Variants in CDK11A observed in about 807,000 individuals in gnomAD.
CDK11A encodes the protein cyclin dependent kinase 11A.
A neutral mutation model predicts 83.6 loss-of-function variants in CDK11A; 55 were observed. The ratio of observed to expected loss-of-function variants is 0.66; its 90% confidence interval spans 0.53 to 0.82. The LOEUF (loss-of-function observed/expected upper bound fraction) is 0.82. CDK11A is among the 40% of genes least tolerant of loss of function. The pLI, the probability that CDK11A is intolerant of heterozygous loss-of-function variation, is 0.00. For missense variants in CDK11A, 564 were observed against 810.1 expected (o/e 0.70, Z 3.69); for synonymous variants, 247 against 302.7 (o/e 0.82, Z 1.91).
At chr1:1,715,820 T>C (rs1644614988) in intron 5 of CDK11A, among the ~76,000 whole-genome samples, 1 of 151,034 alleles carries the variant, frequency 6.6e-6, no homozygotes, top group African/African-American at 2.4e-5. Flanking sequence ...ACACCGATGT[T>C]CTTTCTTGGG....
rs183746110 is a variant in CDK11A at position 1,716,343 on chromosome 1, C to G, written c.488+3G>C. On this transcript the variant is annotated splice_donor_region_variant and intron_variant, in intron 5 of 19. Coordinates refer to ENST00000404249, the MANE Select transcript of CDK11A (RefSeq NM_024011.4). ...AAGTCCTCAACTGACCCAGCCCACT[C>G]ACCTTTCTCTCCTGGAATGCTCCCT... The G allele has an allele frequency of 6.2e-7, 1 of 1,608,736 alleles. No homozygotes were observed. Among genetic ancestry groups the G allele is most frequent in the African/African-American group, 1.3e-5 (1 of 74,612 alleles).
intron 3 of CDK11A, 114 bp downstream of exon 3, chr1:1,721,482 A>G: frequency 8.1e-7 from 1 of 1,239,118 alleles, no homozygotes; most frequent in Non-Finnish European, 1.1e-6. Flanking sequence ...AACTCTAGGA[A>G]AGAGTAAACC....
intron 4 of CDK11A, among the ~76,000 whole-genome samples, chr1:1,717,178 T>C (rs535922831): frequency 1.3e-5 from 2 of 151,292 alleles, no homozygotes; most frequent in Non-Finnish European, 3.0e-5. Context: ...AAGAGAATTG[T>C]AATATTCATC....
rs1457189263 is a variant in CDK11A at position 1,724,248 on chromosome 1, C to A, written c.-14+10G>T. The A allele has an allele frequency of 2.0e-5, 3 of 151,576 alleles. No individual in the cohort carries two copies. The highest frequency in any genetic ancestry group is 7.3e-5 in the African/African-American group (3 of 41,292). The allele number at this position is 151,576 out of a possible 1,614,324, so 9.4% of individuals were successfully genotyped here. A position where few individuals can be genotyped will look rare whatever the true frequency, so the allele number is the denominator to read the frequency against. The stretch of plus-strand genomic sequence containing the variant: ...CGCTCCCACACCTGGTCCGCCCAGT[C>A]GGAACTCACCCCTACGGGGCCGCGG... On this transcript the variant is annotated intron_variant, in intron 1 of 19. Coordinates refer to ENST00000404249, the MANE Select transcript of CDK11A (RefSeq NM_024011.4).
At chr1:1,715,676 G>A (rs907425446) in intron 5 of CDK11A, among the ~76,000 whole-genome samples, 6 of 150,942 alleles carry the variant, frequency 4.0e-5, no homozygotes, top group African/African-American at 7.3e-5. Flanking sequence ...CGCTGCACAC[G>A]CCCTTCCGCT....
rs1213210357 is a variant in CDK11A, at chr1:1,717,335, TATA to T, written c.356-860_356-858del. The stretch of plus-strand genomic sequence containing the variant: ...GCCACATTAATTAATCAAGCGTATT[TATA>T]ATAATGAGATTTCAATCGGGCTCCA... On this transcript the variant is annotated intron_variant, in intron 4 of 19. Transcript: ENST00000404249. Among the ~76,000 whole-genome samples the T allele has an allele frequency of 3.3e-5, 5 of 150,676 alleles. No homozygotes were observed. The East Asian group carries it at 9.8e-4, about 29-fold the overall frequency.
intron 3 of CDK11A, among the ~76,000 whole-genome samples, chr1:1,721,316 G>A (rs1644897403): frequency 6.7e-6 from 1 of 150,324 alleles, no homozygotes; most frequent in Admixed American, 6.7e-5. Flanking sequence ...CGTAACCCTA[G>A]GGAAGAGTAA....
chr1:1,723,488 C>CAAAA (rs768913380), intron 1 of CDK11A, among the ~76,000 whole-genome samples: 28 of 20,626 alleles, frequency 1.4e-3, no homozygotes, highest in South Asian at 2.2e-3. Flanking sequence ...GACCCCGTCT[C>CAAAA]AAAAAAAAAA....
rs1346034735 is a variant in CDK11A, at chr1:1,702,393, G to T, written c.*514C>A. ...GACGACACGGGGAGCTTTCCTCGAA[G>T]AATATTTTAATACATTTTAAAACTC... On this transcript the variant is annotated 3_prime_UTR_variant, in exon 20 of 20. Transcript: ENST00000404249. Among the ~76,000 whole-genome samples the T allele has an allele frequency of 2.4e-5, 2 of 82,664 alleles. No homozygotes were observed. The highest frequency in any genetic ancestry group is 8.2e-5 in the African/African-American group (2 of 24,272). The allele number at this position is 82,664 out of a possible 152,430, so 54.2% of individuals were successfully genotyped here.
rs188010098 is a variant in CDK11A at position 1,719,999 on chromosome 1, G to C, written c.228-544C>G. 1.2e-3 allele frequency among the ~76,000 whole-genome samples: 183 copies of C among 151,028 alleles called. 8 individuals are homozygous for C. Among genetic ancestry groups the C allele is most frequent in the Non-Finnish European group, 2.3e-3 (153 of 67,644 alleles). On this transcript the variant is annotated intron_variant, in intron 3 of 19. Coordinates refer to ENST00000404249, the MANE Select transcript of CDK11A (RefSeq NM_024011.4). ...GAAATGCCTCTCAGAGGACCTGCAGGGGGTGAGGGGCAGGTTCATTAGCTT... is the reference window on the plus strand; with the variant it reads ...GAAATGCCTCTCAGAGGACCTGCAGCGGGTGAGGGGCAGGTTCATTAGCTT...
intron 3 of CDK11A, among the ~76,000 whole-genome samples, chr1:1,719,983 C>T (rs1644842391): frequency 6.6e-6 from 1 of 150,748 alleles, no homozygotes; most frequent in Non-Finnish European, 1.5e-5. Flanking sequence ...CGAAATGCCT[C>T]TCAGAGGACC....
intron 14 of CDK11A, 89 bp from the exon 15 acceptor site, chr1:1,704,433 C>A: frequency 1.3e-6 from 2 of 1,554,306 alleles, no homozygotes; most frequent in Non-Finnish European, 1.7e-6. Context: ...GCAACAGAGG[C>A]TTCTCAGGGC....
rs546407716 is a variant in CDK11A at position 1,716,110 on chromosome 1, C to G, written c.488+236G>C. On this transcript the variant is annotated intron_variant, in intron 5 of 19. Coordinates refer to ENST00000404249, the MANE Select transcript of CDK11A (RefSeq NM_024011.4). ...CGGCGGGACGTGCAGATTTCTGATCCCTTCATTGTCTTCCCTCAATCAAAT... is the reference window on the plus strand; with the variant it reads ...CGGCGGGACGTGCAGATTTCTGATCGCTTCATTGTCTTCCCTCAATCAAAT... 2.3e-4 allele frequency among the ~76,000 whole-genome samples: 35 copies of G among 150,584 alleles called. No homozygotes were observed. In the East Asian group the frequency reaches 5.8e-3, roughly 25 times the overall value.
Position 1,707,468 on chromosome 1 carries a change from G to A in CDK11A, c.1186C>T (p.Pro396Ser), listed in dbSNP as rs757798116. The A allele has an allele frequency of 6.2e-7, 1 of 1,607,482 alleles. No individual in the cohort carries two copies. Among genetic ancestry groups the A allele is most frequent in the Non-Finnish European group, 8.5e-7 (1 of 1,175,886 alleles). The part of the protein sequence containing the change: ...LTEGDYVPDS[P>S]ALLPIELKQE... ...TTGAGCTCGATGGGCAACAGGGCAGGGGAGTCGGGCACATAGTCGCCCTCT... is the reference window on the plus strand; with the variant it reads ...TTGAGCTCGATGGGCAACAGGGCAGAGGAGTCGGGCACATAGTCGCCCTCT... The change falls in exon 11 of 20, where the codon CCT becomes TCT. Residue 396 changes from proline (P) to serine (S), a missense_variant. Pro to Ser is a moderately conservative substitution (Grantham distance 74). Transcript: ENST00000404249.
At chr1:1,708,125 C>G (rs1438549897) in intron 10 of CDK11A, 55 bp downstream of exon 10, 2 of 1,579,962 alleles carry the variant, frequency 1.3e-6, no homozygotes, top group Non-Finnish European at 1.7e-6. Flanking sequence ...TAGGAGAGGG[C>G]TGCTGCACTC....
chr1:1,704,964 C>T lies in CDK11A; in HGVS notation c.1398G>A (p.Thr466=), dbSNP rs368878285. The stretch of plus-strand genomic sequence containing the variant: ...GGATGGTGTTGATCTCCCTCAGGGA[C>T]GTGATCGGGAAGCCCTCCTTCTCCT... ...MEKEKEGFPI[T]SLREINTILK... The change falls in exon 13 of 20, where the codon ACG becomes ACA. Residue 466 remains threonine (T), a synonymous_variant. Transcript: ENST00000404249. 5.0e-6 allele frequency: 8 copies of T among 1,598,120 alleles called. No individual in the cohort carries two copies. The highest frequency in any genetic ancestry group is 1.4e-5 in the African/African-American group (1 of 69,830).
At chr1:1,710,780 A>G (rs1312427193) in intron 6 of CDK11A, among the ~76,000 whole-genome samples, 2 of 140,470 alleles carry the variant, frequency 1.4e-5, no homozygotes, top group African/African-American at 2.6e-5. Flanking sequence ...ATATCAACAG[A>G]GACAGAAGAT....
chr1:1,721,233 G>C (rs1032652844), intron 3 of CDK11A, among the ~76,000 whole-genome samples: 1 of 150,156 alleles, frequency 6.7e-6, no homozygotes, highest in African/African-American at 2.5e-5. Context: ...ATTTACAACA[G>C]CACACTGAGC....
chr1:1,716,814 C>CAAAAAAAAAAAAA (rs1168780288), intron 4 of CDK11A, among the ~76,000 whole-genome samples: 3 of 76,680 alleles, frequency 3.9e-5, no homozygotes, highest in East Asian at 3.8e-4. Flanking sequence ...GACTCCATCT[C>CAAAAAAAAAAAAA]AAAAAAAAAA....
Sources: gnomAD v4.1 joint callset for allele counts (sites outside exome capture counted in the v4.1 genomes callset) on GRCh38, gnomAD v4.1.1 for gene constraint, MANE v1.5 for transcripts, NCBI Gene and HGNC (gene_info 2026-07-23, HGNC 2026-07-21) for gene names.